RSPO2: variants seen among roughly 807,000 people sequenced by gnomAD.
RSPO2 encodes the protein R-spondin-2.
Under a neutral mutation model 30.9 loss-of-function variants are expected in RSPO2, and 14 were observed. The observed-to-expected ratio is 0.45, with a 90% CI of 0.30 to 0.71. The LOEUF is 0.71. RSPO2 is among the 30% of genes least tolerant of loss of function. The pLI, the probability that RSPO2 is intolerant of heterozygous loss-of-function variation, is 0.08. For synonymous variants in RSPO2, 107 were observed against 96.4 expected (o/e 1.11, Z -0.64); for missense variants, 264 against 301.9 (o/e 0.87, Z 0.93).
intron 1 of RSPO2, 89 bp from the exon 2 acceptor site, chr8:108,082,896 A>T: frequency 2.1e-6 from 1 of 472,478 alleles, no homozygotes; most frequent in Admixed American, 3.7e-5. Context: ...CAATTTAAAG[A>T]AGAGAGGGAA....
chr8:108,082,460 G>A lies in RSPO2; in HGVS notation c.94+85C>T, dbSNP rs549218447. ...GTGGAGAGCACAGCCCTGACCATCTGAGCCCCCGGAGCCAGGGCGTGAGTG... is the reference window on the plus strand; with the variant it reads ...GTGGAGAGCACAGCCCTGACCATCTAAGCCCCCGGAGCCAGGGCGTGAGTG... On this transcript the variant is annotated intron_variant, in intron 2 of 5. Coordinates refer to ENST00000276659, the MANE Select transcript of RSPO2 (RefSeq NM_178565.5). The A allele has an allele frequency of 1.7e-5, 18 of 1,030,044 alleles. No individual in the cohort carries two copies. In the African/African-American group the frequency reaches 2.5e-4, roughly 14 times the overall value. 63.8% of individuals were successfully genotyped at this position (1,030,044 alleles called of 1,614,324 possible). A position where few individuals can be genotyped will look rare whatever the true frequency, so the allele number is the denominator to read the frequency against.
chr8:107,929,667 T>G (rs1586553315), intron 5 of RSPO2, among the ~76,000 whole-genome samples: 1 of 152,236 alleles, frequency 6.6e-6, no homozygotes, highest in Non-Finnish European at 1.5e-5. Flanking sequence ...AAGGATACTT[T>G]AAAACACAGT....
chr8:107,991,145 T>A (rs561902130), intron 2 of RSPO2, among the ~76,000 whole-genome samples: 53 of 150,934 alleles, frequency 3.5e-4, no homozygotes, highest in African/African-American at 1.3e-3. Context: ...TACTTGGGAG[T>A]CTAAGCCAGG....
intron 2 of RSPO2, among the ~76,000 whole-genome samples, chr8:107,998,265 T>C (rs750630004): frequency 6.6e-6 from 1 of 151,392 alleles, no homozygotes; most frequent in Non-Finnish European, 1.5e-5. Flanking sequence ...CTGGCACCAA[T>C]AACAGGGAAC....
At chr8:108,068,929 T>C (rs1812754418) in intron 2 of RSPO2, among the ~76,000 whole-genome samples, 1 of 152,230 alleles carries the variant, frequency 6.6e-6, no homozygotes, top group Non-Finnish European at 1.5e-5. Context: ...ATCCAGTTTG[T>C]AGTACTTTGT....
chr8:107,929,788 A>G (rs1012689336), intron 5 of RSPO2, among the ~76,000 whole-genome samples: 51 of 152,128 alleles, frequency 3.4e-4, no homozygotes, highest in Non-Finnish European at 1.2e-4. Context: ...TCTTCCACCT[A>G]TCCAAATAGG....
At chr8:107,958,051 C>A (rs778830830) in intron 5 of RSPO2, 29 bp downstream of exon 5, 1 of 1,530,718 alleles carries the variant, frequency 6.5e-7, no homozygotes, top group Non-Finnish European at 9.0e-7. Flanking sequence ...AAGCACACAG[C>A]ACACAGTAGT....
intron 5 of RSPO2, among the ~76,000 whole-genome samples, chr8:107,926,093 C>T (rs1812360710): frequency 6.6e-6 from 1 of 152,090 alleles, no homozygotes; most frequent in Non-Finnish European, 1.5e-5. Context: ...TAATGACTGC[C>T]ATTCTAAATG....
intron 2 of RSPO2, among the ~76,000 whole-genome samples, chr8:108,078,670 T>C (rs183476025): frequency 6.6e-6 from 1 of 152,206 alleles, no homozygotes; most frequent in East Asian, 1.9e-4. Flanking sequence ...GACAAACCCT[T>C]CCTTTTTATG....
intron 5 of RSPO2, among the ~76,000 whole-genome samples, chr8:107,956,310 T>A (rs1018447433): frequency 2.0e-5 from 3 of 152,200 alleles, no homozygotes; most frequent in African/African-American, 7.2e-5. Flanking sequence ...ACACAAGAAT[T>A]AGAGCTATAG....
chr8:108,011,969 G>A (rs545947052), intron 2 of RSPO2, among the ~76,000 whole-genome samples: 3 of 152,212 alleles, frequency 2.0e-5, no homozygotes, highest in Non-Finnish European at 2.9e-5. Flanking sequence ...AATCAAGAAA[G>A]ATTTGTGTCA....
intron 3 of RSPO2, among the ~76,000 whole-genome samples, chr8:107,963,836 A>T (rs934200624): frequency 6.6e-6 from 1 of 152,292 alleles, no homozygotes; most frequent in African/African-American, 2.4e-5. Context: ...AGGCAAGAAT[A>T]AAGGCATCTA....
chr8:107,979,094 T>G (rs1814329208), intron 3 of RSPO2, among the ~76,000 whole-genome samples: 1 of 152,200 alleles, frequency 6.6e-6, no homozygotes. Flanking sequence ...GACTGTAAAC[T>G]AGTTCAACCA....
chr8:108,065,172 TAA>T (rs939525143), intron 2 of RSPO2, among the ~76,000 whole-genome samples: 3 of 140,174 alleles, frequency 2.1e-5, no homozygotes, highest in Non-Finnish European at 3.1e-5. Context: ...AAGTATAAGT[TAA>T]AAAAAAAAGA....
At chr8:107,928,921 CAG>C (rs1272193939) in intron 5 of RSPO2, among the ~76,000 whole-genome samples, 5 of 152,160 alleles carry the variant, frequency 3.3e-5, no homozygotes, top group African/African-American at 1.2e-4. Context: ...ATGACAGTGA[CAG>C]AGAATGTCAA....
chr8:108,023,836 T>C (rs886323498), intron 2 of RSPO2, among the ~76,000 whole-genome samples: 1 of 152,148 alleles, frequency 6.6e-6, no homozygotes, highest in East Asian at 1.9e-4. Flanking sequence ...GTATCCTGTA[T>C]GGGGAGGAGG....
At chr8:108,079,114 G>A (rs918108439) in intron 2 of RSPO2, among the ~76,000 whole-genome samples, 4 of 152,114 alleles carry the variant, frequency 2.6e-5, no homozygotes, top group Non-Finnish European at 4.4e-5. Flanking sequence ...AGATAGTAGG[G>A]GTTAACAATA....
chr8:107,990,003 A>C (rs920367334), intron 2 of RSPO2, among the ~76,000 whole-genome samples: 2 of 152,210 alleles, frequency 1.3e-5, no homozygotes. Context: ...CACACCTAAA[A>C]AACCAGAAAT....
intron 5 of RSPO2, among the ~76,000 whole-genome samples, chr8:107,924,694 T>C (rs1416373098): frequency 1.3e-5 from 2 of 151,910 alleles, no homozygotes; most frequent in Non-Finnish European, 2.9e-5. Context: ...ACCATACCCA[T>C]ACATATATAG....
Sources: gnomAD v4.1 joint callset for allele counts (sites outside exome capture counted in the v4.1 genomes callset) on GRCh38, gnomAD v4.1.1 for gene constraint, MANE v1.5 for transcripts, NCBI Gene and HGNC (gene_info 2026-07-23, HGNC 2026-07-21) for gene names.